The following DYNC2I1 variants were observed in gnomAD, a reference collection of about 807,000 sequenced individuals.
DYNC2I1 encodes the protein dynein 2 intermediate chain 1, also known as cytoplasmic dynein 2 intermediate chain 1.
A neutral mutation model predicts 133.4 loss-of-function variants in DYNC2I1; 89 were observed. The ratio of observed to expected loss-of-function variants is 0.67; its 90% CI spans 0.56 to 0.80. The LOEUF is 0.80. DYNC2I1 is among the 30% of genes least tolerant of loss of function. The pLI, the probability that DYNC2I1 is intolerant of heterozygous loss-of-function variation, is 0.00. For synonymous variants in DYNC2I1, 504 were observed against 484.3 expected, an observed-to-expected ratio of 1.04 and a Z score of -0.54; for missense variants, 1,291 against 1,314.5, an observed-to-expected ratio of 0.98 and a Z score of 0.28.
chr7:158,911,156 G>A (rs569357878), intron 11 of DYNC2I1, among the ~76,000 whole-genome samples: 6 of 152,334 alleles, frequency 3.9e-5, no homozygotes, highest in Admixed American at 2.6e-4. Flanking sequence ...TGCGTGGTCC[G>A]ACCATGGTGC....
chr7:158,890,295 T>C (rs1177702168), intron 7 of DYNC2I1, among the ~76,000 whole-genome samples: 2 of 152,084 alleles, frequency 1.3e-5, no homozygotes, highest in East Asian at 3.8e-4. Flanking sequence ...AGGTAACCAA[T>C]GGGATATTTT....
chr7:158,899,818 G>A (rs1340919008), intron 8 of DYNC2I1, among the ~76,000 whole-genome samples: 1 of 152,072 alleles, frequency 6.6e-6, no homozygotes, highest in Admixed American at 6.6e-5. Context: ...GGAACTGTAA[G>A]TCCAATGAAA....
intron 11 of DYNC2I1, among the ~76,000 whole-genome samples, chr7:158,909,638 C>T (rs1217186614): frequency 6.6e-6 from 1 of 152,102 alleles, no homozygotes; most frequent in African/African-American, 2.4e-5. Flanking sequence ...AAAAACACTC[C>T]AGCTGATTGA....
At chr7:158,854,378 A>G (rs1364724406), upstream of DYNC2I1, among the ~76,000 whole-genome samples, 2 of 151,988 alleles carry the variant, frequency 1.3e-5, no homozygotes, top group East Asian at 3.9e-4. Context: ...GGTTTGCATC[A>G]TTCTCAGCAA....
chr7:158,881,689 A>C (rs754576133), intron 5 of DYNC2I1, among the ~76,000 whole-genome samples: 1 of 151,986 alleles, frequency 6.6e-6, no homozygotes, highest in Non-Finnish European at 1.5e-5. Context: ...TCCTGACCTC[A>C]TGATCCGCCC....
rs200061970 is a variant in DYNC2I1 at position 158,891,322 on chromosome 7, G to A, written c.1048G>A (p.Glu350Lys). 1.5e-4 allele frequency: 243 copies of A among 1,614,060 alleles called. 1 individual carries two copies. The African/African-American group carries it at 2.9e-3, about 19-fold the overall frequency. Reference sequence around the variant, plus strand: ...GAAGCTGGACCAGAGGCCGGGAGGCGAGGAAACCGTGGTAAGGAGAGTACG... The same window carrying A: ...GAAGCTGGACCAGAGGCCGGGAGGCAAGGAAACCGTGGTAAGGAGAGTACG... Reference protein sequence around the residue: ...WWKLDQRPGGEETVEIEKEET... With the variant: ...WWKLDQRPGGKETVEIEKEET... The change falls in exon 8 of 25, where the codon GAG becomes AAG. Residue 350 changes from glutamate to lysine, a missense_variant. Transcript: ENST00000407559.
downstream of DYNC2I1, among the ~76,000 whole-genome samples, chr7:158,957,144 T>A (rs1563224049): frequency 2.0e-5 from 3 of 152,372 alleles, no homozygotes; most frequent in East Asian, 5.8e-4. Flanking sequence ...TTTTGCCACC[T>A]TCTCTAAATC....
intron 14 of DYNC2I1, among the ~76,000 whole-genome samples, chr7:158,917,945 G>T (rs535159359): frequency 2.0e-5 from 3 of 152,180 alleles, no homozygotes; most frequent in Non-Finnish European, 2.9e-5. Flanking sequence ...CGTTCTGTCA[G>T]TTCACATGAA....
chr7:158,851,048 TC>T, the DYNC2I1 span, among the ~76,000 whole-genome samples: 1 of 151,898 alleles, frequency 6.6e-6, no homozygotes, highest in Non-Finnish European at 1.5e-5. Flanking sequence ...GAAATCTTTT[TC>T]TTTTGAGTTA....
At chr7:158,912,696 T>C (rs972781175) in intron 12 of DYNC2I1, among the ~76,000 whole-genome samples, 6 of 152,222 alleles carry the variant, frequency 3.9e-5, no homozygotes, top group African/African-American at 1.2e-4. Context: ...GAAATATATA[T>C]GTAGTTTTGC....
intron 1 of DYNC2I1, among the ~76,000 whole-genome samples, chr7:158,866,633 C>G (rs1230951655): frequency 6.6e-6 from 1 of 152,088 alleles, no homozygotes; most frequent in East Asian, 1.9e-4. Flanking sequence ...AACTGCAATT[C>G]CAGCACTTTG....
upstream of DYNC2I1, chr7:158,856,470 G>A: frequency 2.6e-6 from 1 of 379,024 alleles, no homozygotes; most frequent in Non-Finnish European, 4.7e-6. Flanking sequence ...ATTGGGAGGG[G>A]CCGCGGGCAC....
In DYNC2I1 at chr7:158,926,214, G is replaced by C; in HGVS notation, c.2285G>C (p.Arg762Pro). The C allele has an allele frequency of 1.2e-6, 2 of 1,613,476 alleles. No individual in the cohort carries two copies. Among genetic ancestry groups the C allele is most frequent in the Non-Finnish European group, 1.7e-6 (2 of 1,179,720 alleles). Residue 762 changes from arginine to proline, a missense_variant, in exon 18 of 25, where the codon CGA (arginine) becomes CCA (proline). Arg to Pro is a moderately radical substitution (Grantham distance 103). Coordinates refer to ENST00000407559, the MANE Select transcript of DYNC2I1 (RefSeq NM_018051.5). ...GGAATCCTTACCTCAGTAAACCACC[G>C]AAGCCCTCTTCAAGCAGTAGAACCT... ...TDGILTSVNHRSPLQAVEPIS... is the reference protein window; with the variant it reads ...TDGILTSVNHPSPLQAVEPIS...
chr7:158,945,712 A>G lies in DYNC2I1; in HGVS notation c.3134A>G (p.Asp1045Gly). The G allele has an allele frequency of 6.2e-7, 1 of 1,610,834 alleles. No homozygotes were observed. ...LKRRWAAPEVDECNRLRLLLQ... is the reference protein window; with the variant it reads ...LKRRWAAPEVGECNRLRLLLQ... Reference sequence around the variant, plus strand: ...AGGCGGTGGGCGGCCCCGGAGGTGGACGAGTGCAACAGGCTGCGTCTGCTT... The same window carrying G: ...AGGCGGTGGGCGGCCCCGGAGGTGGGCGAGTGCAACAGGCTGCGTCTGCTT... Residue 1045 changes from aspartate to glycine, a missense_variant, in exon 25 of 25, where the codon GAC (aspartate) becomes GGC (glycine). Physicochemically the swap from Asp to Gly is moderately conservative, Grantham distance 94. Coordinates refer to ENST00000407559, the MANE Select transcript of DYNC2I1 (RefSeq NM_018051.5). This position sits in a 1 kb window ranked among gnomAD's most constrained non-coding sequence, Gnocchi z 4.1.
At chr7:158,912,938 T>C in intron 12 of DYNC2I1, 47 bp from the exon 13 acceptor site, 2 of 1,350,102 alleles carry the variant, frequency 1.5e-6, no homozygotes, top group Non-Finnish European at 2.1e-6. Context: ...GACAGATTGC[T>C]CCGAAATTGA....
intron 24 of DYNC2I1, among the ~76,000 whole-genome samples, chr7:158,944,502 C>T (rs1851685957): frequency 6.6e-6 from 1 of 152,216 alleles, no homozygotes; most frequent in Non-Finnish European, 1.5e-5. Flanking sequence ...ATGCTTTACA[C>T]ACGCAATTGA....
chr7:158,941,752 C>T (rs544925504), intron 23 of DYNC2I1, among the ~76,000 whole-genome samples, 173 bp from the exon 24 acceptor site: 15 of 152,220 alleles, frequency 9.9e-5, no homozygotes, highest in African/African-American at 2.9e-4. Flanking sequence ...GTGGTGCCTG[C>T]GTGTAGTCTC....
chr7:158,856,452 G>A, upstream of DYNC2I1: 1 of 368,082 alleles, frequency 2.7e-6, no homozygotes, highest in Non-Finnish European at 4.8e-6. Flanking sequence ...CCGGGGAAGC[G>A]CAGGCGCATT....
rs1392006513 is a variant in DYNC2I1 at position 158,945,081 on chromosome 7, G to T, written c.3003-500G>T. On this transcript the variant is annotated intron_variant, in intron 24 of 24. Transcript: ENST00000407559. This position sits in a 1 kb window ranked among gnomAD's most constrained non-coding sequence, Gnocchi z 4.1. ...CCTGGGAGTGAGATCGGGGAGACAGGGTGGCCACAGGTCTCGTGTTGGGCA... is the reference window on the plus strand; with the variant it reads ...CCTGGGAGTGAGATCGGGGAGACAGTGTGGCCACAGGTCTCGTGTTGGGCA... Among the ~76,000 whole-genome samples, 1 of 152,168 alleles carries T rather than the reference G, an allele frequency of 6.6e-6. No homozygotes were observed. Among genetic ancestry groups the T allele is most frequent in the African/African-American group, 2.4e-5 (1 of 41,446 alleles).
Sources: allele counts gnomAD v4.1 joint callset (sites outside exome capture counted in the v4.1 genomes callset), GRCh38; gene constraint gnomAD v4.1.1; non-coding constraint Gnocchi (gnomAD v3.1); transcripts MANE v1.5; gene names NCBI Gene and HGNC (gene_info 2026-07-23, HGNC 2026-07-21).